Variants in PIK3C2G observed in about 807,000 individuals in gnomAD.
The protein encoded by PIK3C2G is phosphatidylinositol-4-phosphate 3-kinase catalytic subunit type 2 gamma.
PIK3C2G carries 168 observed loss-of-function variants against 181.1 expected under a neutral mutation model. The ratio of observed to expected loss-of-function variants is 0.93; its 90% confidence interval spans 0.82 to 1.05. The LOEUF (loss-of-function observed/expected upper bound fraction) is 1.05, where lower values mean the gene tolerates loss of function less well. PIK3C2G is among the 50% of genes least tolerant of loss of function. The probability of loss-of-function intolerance (pLI) is 0.00; values close to 1 mark genes in which losing one functional copy is unlikely to be tolerated. For synonymous variants in PIK3C2G, 573 were observed against 592.2 expected (o/e 0.97, Z 0.47); for missense variants, 1,869 against 1,732.8 (o/e 1.08, Z -1.40).
chr12:18,401,156 G>A (rs1027300652), intron 16 of PIK3C2G, among the ~76,000 whole-genome samples: 2 of 152,036 alleles, frequency 1.3e-5, no homozygotes, highest in African/African-American at 4.8e-5. Flanking sequence ...TACCTAGGAC[G>A]TAGTAATTCC....
At chr12:18,695,210 A>G in the PIK3C2G span, 3 of 888,486 alleles carry the variant, frequency 3.4e-6, no homozygotes, top group African/African-American at 1.7e-5. Flanking sequence ...CATTAGCCTA[A>G]TAATTCATGA....
intron 29 of PIK3C2G, among the ~76,000 whole-genome samples, chr12:18,591,997 G>A (rs1186108282): frequency 6.6e-6 from 1 of 151,806 alleles, no homozygotes; most frequent in East Asian, 1.9e-4. Context: ...GTCCAAGTAG[G>A]TACACTCTAT....
intron 13 of PIK3C2G, among the ~76,000 whole-genome samples, chr12:18,379,771 AG>A (rs1942709402): frequency 6.6e-6 from 1 of 152,108 alleles, no homozygotes; most frequent in African/African-American, 2.4e-5. Context: ...AGGCTCTCAC[AG>A]GCACCATAGA....
the PIK3C2G span, among the ~76,000 whole-genome samples, chr12:18,726,777 T>TA: frequency 2.0e-5 from 3 of 152,188 alleles, no homozygotes; most frequent in Non-Finnish European, 4.4e-5. Context: ...TGGTTGTATC[T>TA]AAAATTACAC....
intron 14 of PIK3C2G, 99 bp downstream of exon 14, chr12:18,381,979 T>C: frequency 1.3e-6 from 1 of 762,832 alleles, no homozygotes. Context: ...GGATCACACA[T>C]TTTAATAGCC....
At chr12:18,589,122 A>C (rs918995433) in intron 29 of PIK3C2G, among the ~76,000 whole-genome samples, 1 of 152,018 alleles carries the variant, frequency 6.6e-6, no homozygotes, top group Non-Finnish European at 1.5e-5. Flanking sequence ...AGAGAGGATC[A>C]GAAAAAATAA....
chr12:18,344,869 T>C (rs1939514145), intron 10 of PIK3C2G, among the ~76,000 whole-genome samples: 1 of 152,138 alleles, frequency 6.6e-6, no homozygotes, highest in Non-Finnish European at 1.5e-5. Context: ...TTATTTGAAA[T>C]GTAGTCTGCA....
Position 18,581,627 on chromosome 12 carries a change from G to T in PIK3C2G, c.4012-12867G>T, listed in dbSNP as rs553470465. Among the ~76,000 whole-genome samples, 161 of 152,300 alleles carry T rather than the reference G, an allele frequency of 1.1e-3. 1 individual carries two copies. The highest frequency in any genetic ancestry group is 3.8e-3 in the African/African-American group (158 of 41,562). On this transcript the variant is annotated intron_variant, in intron 29 of 32. Transcript: ENST00000538779. Reference sequence around the variant, plus strand: ...GCAAAAACTTGGGAATGGAGAGTGGGGCAAGAAGGAGTTTGAATCTAAACC... The same window carrying T: ...GCAAAAACTTGGGAATGGAGAGTGGTGCAAGAAGGAGTTTGAATCTAAACC...
intron 24 of PIK3C2G, among the ~76,000 whole-genome samples, chr12:18,511,231 A>G (rs548323786): frequency 6.6e-5 from 10 of 152,090 alleles, no homozygotes; most frequent in Admixed American, 2.0e-4. Flanking sequence ...TCATCCATTG[A>G]TGGACATTTA....
intron 18 of PIK3C2G, among the ~76,000 whole-genome samples, chr12:18,457,946 C>A (rs1947717111): frequency 6.6e-6 from 1 of 151,902 alleles, no homozygotes; most frequent in African/African-American, 2.4e-5. Context: ...ATAGAAAATT[C>A]TACATTATCT....
At chr12:18,668,141 C>A in the PIK3C2G span, among the ~76,000 whole-genome samples, 1 of 152,114 alleles carries the variant, frequency 6.6e-6, no homozygotes, top group African/African-American at 2.4e-5. Flanking sequence ...ATCTCTCTGT[C>A]TCATAGGGAC....
intron 30 of PIK3C2G, among the ~76,000 whole-genome samples, chr12:18,599,828 T>A (rs1182790696): frequency 1.3e-5 from 2 of 151,786 alleles, no homozygotes; most frequent in African/African-American, 4.8e-5. Flanking sequence ...AAAAGAGGAA[T>A]TTAGGCTAAA....
chr12:18,348,859 A>G (rs1303087021), intron 11 of PIK3C2G, among the ~76,000 whole-genome samples: 1 of 152,148 alleles, frequency 6.6e-6, no homozygotes, highest in Admixed American at 6.6e-5. Flanking sequence ...ATCTGGCTTA[A>G]GGTTTCCCAT....
rs529436992 is a variant in PIK3C2G, at chr12:18,476,321, GGTA to G, written c.2505-12124_2505-12122del. On this transcript the variant is annotated intron_variant, in intron 18 of 32. Transcript: ENST00000538779. The stretch of plus-strand genomic sequence containing the variant: ...AGCTGAGAAGATTCAAGTTACCAAG[GGTA>G]GTACTTTATGTTTGGGGTGGAAGAA... 2.4e-3 allele frequency among the ~76,000 whole-genome samples: 372 copies of G among 152,206 alleles called. 1 individual carries two copies. The highest frequency in any genetic ancestry group is 8.3e-3 in the African/African-American group (345 of 41,518).
intron 2 of PIK3C2G, 28 bp from the exon 3 acceptor site, chr12:18,286,819 A>G: frequency 2.6e-6 from 3 of 1,173,884 alleles, no homozygotes; most frequent in Non-Finnish European, 3.6e-6. Flanking sequence ...TCTCCAAATT[A>G]TATTAATTTA....
chr12:18,548,669 A>C (rs748084557), intron 26 of PIK3C2G, among the ~76,000 whole-genome samples: 2 of 151,998 alleles, frequency 1.3e-5, no homozygotes, highest in Non-Finnish European at 2.9e-5. Context: ...CTGCCAGGCC[A>C]ATCTTCCCAC....
chr12:18,604,412 TA>T (rs1426627062), intron 30 of PIK3C2G, among the ~76,000 whole-genome samples: 2 of 152,004 alleles, frequency 1.3e-5, no homozygotes, highest in Non-Finnish European at 1.5e-5. Flanking sequence ...CTAAAAGACC[TA>T]AAAAATGAGA....
chr12:18,443,455 G>GT (rs55801405), intron 18 of PIK3C2G, among the ~76,000 whole-genome samples: 6 of 150,898 alleles, frequency 4.0e-5, no homozygotes, highest in Admixed American at 1.3e-4. Flanking sequence ...TGGCTTTAAA[G>GT]TTTTTTTTTC....
At chr12:18,599,928 A>G (rs1385939725) in intron 30 of PIK3C2G, among the ~76,000 whole-genome samples, 2 of 151,978 alleles carry the variant, frequency 1.3e-5, no homozygotes, top group Non-Finnish European at 2.9e-5. Flanking sequence ...ATAATTTGAC[A>G]GCAACATATA....
Sources: allele counts gnomAD v4.1 joint callset (sites outside exome capture counted in the v4.1 genomes callset), GRCh38; gene constraint gnomAD v4.1.1; transcripts MANE v1.5; gene names NCBI Gene and HGNC (gene_info 2026-07-23, HGNC 2026-07-21).